Variants in BEND4 observed in about 807,000 individuals in gnomAD.
BEND4 encodes BEN domain-containing protein 4.
In BEND4, 27 loss-of-function variants were observed where a neutral mutation model predicts 54.7. The observed-to-expected ratio is 0.49, with a 90% CI of 0.36 to 0.68. The LOEUF (loss-of-function observed/expected upper bound fraction) is 0.68. Ranked by LOEUF, BEND4 falls within the 30% of genes least tolerant of loss-of-function variation. BEND4 has a pLI of 0.00. For synonymous variants in BEND4, 327 were observed against 299.5 expected (o/e 1.09, Z -0.95); for missense variants, 702 against 697.2 (o/e 1.01, Z -0.08).
intron 3 of BEND4, among the ~76,000 whole-genome samples, chr4:42,126,821 G>C (rs918779289): frequency 2.0e-5 from 3 of 152,034 alleles, no homozygotes; most frequent in Non-Finnish European, 4.4e-5. Flanking sequence ...GACCTGCCTG[G>C]GCAATATAGC....
intron 3 of BEND4, among the ~76,000 whole-genome samples, chr4:42,127,606 G>T (rs1229995105): frequency 2.0e-5 from 3 of 152,172 alleles, no homozygotes; most frequent in African/African-American, 7.2e-5. Flanking sequence ...GTTTTTCACT[G>T]ATTGTGTGAC....
intron 2 of BEND4, among the ~76,000 whole-genome samples, chr4:42,144,653 G>GT (rs1211001257): frequency 6.6e-6 from 1 of 152,190 alleles, no homozygotes; most frequent in Non-Finnish European, 1.5e-5. Context: ...CAAGGCCAAT[G>GT]TTTAGGCTGA....
chr4:42,143,973 G>A lies in BEND4; in HGVS notation c.509C>T (p.Ala170Val). The A allele has an allele frequency of 6.4e-7, 1 of 1,563,896 alleles. No homozygotes were observed. The highest frequency in any genetic ancestry group is 8.6e-7 in the Non-Finnish European group (1 of 1,159,032). ...LSAESRMILD[A>V]FAQQCSRVLS... ...AACTCGACTGCACTGCTGGGCAAAG[G>A]CATCCAAGATCATTCGACTCTCTGA... Residue 170 changes from alanine (A) to valine (V), a missense_variant, in exon 3 of 6, where the codon GCC (alanine) becomes GTC (valine). By Grantham distance (64) the Ala-to-Val change is moderately conservative (BLOSUM62 0). Transcript: ENST00000502486.
Position 42,115,589 on chromosome 4 carries a change from T to C in BEND4, c.*1929A>G, listed in dbSNP as rs375719107. The C allele has an allele frequency of 2.0e-5, 3 of 152,158 alleles. No individual in the cohort carries two copies. Among genetic ancestry groups the C allele is most frequent in the Non-Finnish European group, 4.4e-5 (3 of 68,016 alleles). 9.4% of individuals were successfully genotyped at this position (152,158 alleles called of 1,614,324 possible). A position where few individuals can be genotyped will look rare whatever the true frequency, so the allele number is the denominator to read the frequency against. ...ACTTAAGGCCAATGAAAAATTAAGG[T>C]AAGATGGAAAAACAGATGAGGCTAT... On this transcript the variant is annotated 3_prime_UTR_variant, in exon 6 of 6. Coordinates refer to ENST00000502486, the MANE Select transcript of BEND4 (RefSeq NM_207406.4).
At chr4:42,144,050 A>C in intron 2 of BEND4, 56 bp from the exon 3 acceptor site, 2 of 1,256,458 alleles carry the variant, frequency 1.6e-6, no homozygotes, top group Non-Finnish European at 2.3e-6. Context: ...AAAGATAAAT[A>C]AAGTCCTCAA....
intron 4 of BEND4, among the ~76,000 whole-genome samples, chr4:42,121,149 CA>C (rs1036884455): frequency 6.6e-6 from 1 of 152,058 alleles, no homozygotes; most frequent in African/African-American, 2.4e-5. Context: ...TTAAGGTGTA[CA>C]AAACAAAGGG....
At chr4:42,144,181 G>C (rs935966391) in intron 2 of BEND4, 187 bp from the exon 3 acceptor site, 3 of 633,054 alleles carry the variant, frequency 4.7e-6, no homozygotes, top group Non-Finnish European at 8.4e-6. Context: ...CTGCGACTGC[G>C]GGATGCTTGC....
At chr4:42,134,935 AAGAC>A (rs1577758793) in intron 3 of BEND4, among the ~76,000 whole-genome samples, 1 of 152,342 alleles carries the variant, frequency 6.6e-6, no homozygotes, top group South Asian at 2.1e-4. Flanking sequence ...TCAGTCTCCA[AAGAC>A]AGACAGGAAA....
intron 2 of BEND4, 118 bp from the exon 3 acceptor site, chr4:42,144,112 C>T: frequency 1.3e-6 from 1 of 780,890 alleles, no homozygotes; most frequent in South Asian, 1.5e-5. Flanking sequence ...TACTGTCTGT[C>T]ATAAACCAAG....
In BEND4 at chr4:42,152,140, C is replaced by A; in HGVS notation, c.4G>T (p.Glu2Ter). 4.0e-6 allele frequency: 5 copies of A among 1,243,234 alleles called. No individual in the cohort carries two copies. The highest frequency in any genetic ancestry group is 4.1e-6 in the Non-Finnish European group (4 of 985,236). The allele number at this position is 1,243,234 out of a possible 1,614,324, so 77.0% of individuals were successfully genotyped here. A position where few individuals can be genotyped will look rare whatever the true frequency, so the allele number is the denominator to read the frequency against. ...TCCTCTGCCGGCTGCATCTCTTCCTCCATCCGGCGCCTCGGGGCCGGTCCC... is the reference window on the plus strand; with the variant it reads ...TCCTCTGCCGGCTGCATCTCTTCCTACATCCGGCGCCTCGGGGCCGGTCCC... M[E>*]EEMQPAEEGP... The change falls in exon 2 of 6, where the codon GAG becomes TAG. Residue 2 changes from glutamate to a stop codon, truncating the protein, a stop_gained. Coordinates refer to ENST00000502486, the MANE Select transcript of BEND4 (RefSeq NM_207406.4). LOFTEE classifies it high-confidence loss of function.
At chr4:42,127,075 A>AT (rs918215953) in intron 3 of BEND4, among the ~76,000 whole-genome samples, 13 of 151,996 alleles carry the variant, frequency 8.6e-5, no homozygotes, top group African/African-American at 2.9e-4. Context: ...TTTCTCACCC[A>AT]TTTTTTTTAA....
At chr4:42,141,112 C>G (rs1720863888) in intron 3 of BEND4, among the ~76,000 whole-genome samples, 1 of 152,170 alleles carries the variant, frequency 6.6e-6, no homozygotes, top group Non-Finnish European at 1.5e-5. Context: ...GGGTTCTACC[C>G]AGTGTCTGTC....
chr4:42,144,907 G>C (rs1048399953), intron 2 of BEND4, among the ~76,000 whole-genome samples: 1 of 152,212 alleles, frequency 6.6e-6, no homozygotes, highest in Admixed American at 6.5e-5. Context: ...TCACAGGGTA[G>C]ATTCGCTTCT....
At chr4:42,123,342 G>T (rs1384564736) in intron 4 of BEND4, among the ~76,000 whole-genome samples, 1 of 151,782 alleles carries the variant, frequency 6.6e-6, no homozygotes, top group Non-Finnish European at 1.5e-5. Context: ...TAGAATTCTG[G>T]TTGTATATTT....
intron 4 of BEND4, among the ~76,000 whole-genome samples, chr4:42,123,032 C>T (rs1410612505): frequency 6.6e-6 from 1 of 152,166 alleles, no homozygotes; most frequent in Non-Finnish European, 1.5e-5. Flanking sequence ...AATGCAGCAG[C>T]TCTACATAAA....
intron 3 of BEND4, among the ~76,000 whole-genome samples, chr4:42,132,092 C>T (rs1231523213): frequency 6.6e-6 from 1 of 152,232 alleles, no homozygotes; most frequent in African/African-American, 2.4e-5. Context: ...TGATCCTGAC[C>T]CACAGCTACA....
chr4:42,141,726 G>A (rs1328023740), intron 3 of BEND4, among the ~76,000 whole-genome samples: 3 of 152,056 alleles, frequency 2.0e-5, no homozygotes, highest in Admixed American at 1.3e-4. Context: ...GGGCAGCAGA[G>A]CAAGACTCCG....
intron 2 of BEND4, among the ~76,000 whole-genome samples, chr4:42,144,292 C>CAAACCTG (rs1272090613): frequency 6.6e-6 from 1 of 152,176 alleles, no homozygotes; most frequent in Admixed American, 6.5e-5. Context: ...CTGCACAGGT[C>CAAACCTG]TGAACTCACA....
intron 4 of BEND4, 132 bp from the exon 5 acceptor site, chr4:42,120,426 G>A: frequency 8.7e-7 from 1 of 1,144,002 alleles, no homozygotes; most frequent in Non-Finnish European, 1.2e-6. Context: ...GTATTGAAGT[G>A]CGCAAATAAT....
Sources: allele counts gnomAD v4.1 joint callset (sites outside exome capture counted in the v4.1 genomes callset), GRCh38; gene constraint gnomAD v4.1.1; transcripts MANE v1.5; gene names NCBI Gene and HGNC (gene_info 2026-07-23, HGNC 2026-07-21).